DAB1: variants seen among roughly 807,000 people sequenced by gnomAD.
DAB1 encodes DAB adaptor protein 1.
Under a neutral mutation model 64.6 loss-of-function variants are expected in DAB1, and 15 were observed. That is an observed-to-expected ratio of 0.23 (90% CI 0.16 to 0.36). The LOEUF is 0.36. DAB1 is among the 10% of genes least tolerant of loss of function. DAB1 has a pLI of 1.00. For synonymous variants in DAB1, 235 were observed against 251.9 expected, an observed-to-expected ratio of 0.93 and a Z score of 0.64; for missense variants, 596 against 706.7, an observed-to-expected ratio of 0.84 and a Z score of 1.78.
At chr1:58,358,110 GA>G (rs1644128564) in intron 3 of DAB1, among the ~76,000 whole-genome samples, 1 of 152,192 alleles carries the variant, frequency 6.6e-6, no homozygotes, top group Middle Eastern at 3.2e-3. Flanking sequence ...AGAAATTTAA[GA>G]ATGTAAACAC....
chr1:58,048,348 C>T (rs1344575159), intron 5 of DAB1: 6 of 1,015,522 alleles, frequency 5.9e-6, no homozygotes, highest in Middle Eastern at 3.0e-4. Context: ...TTTTAATTGC[C>T]CAAATCACTG....
intron 2 of DAB1, among the ~76,000 whole-genome samples, chr1:57,203,416 C>A (rs1665265940): frequency 6.6e-6 from 1 of 152,148 alleles, no homozygotes; most frequent in South Asian, 2.1e-4. Context: ...GTGAGCAGAG[C>A]AGGGACCCAG....
chr1:57,266,552 G>A (rs1670603927), intron 2 of DAB1, among the ~76,000 whole-genome samples: 2 of 151,958 alleles, frequency 1.3e-5, no homozygotes, highest in Admixed American at 6.6e-5. Context: ...TTAATCCCTG[G>A]CAAATACCTT....
intron 3 of DAB1, among the ~76,000 whole-genome samples, chr1:58,484,532 C>T (rs2100355898): frequency 6.6e-6 from 1 of 152,234 alleles, no homozygotes; most frequent in East Asian, 1.9e-4. Flanking sequence ...ACCTCAGAAT[C>T]CTTAGAAAAT....
intron 5 of DAB1, among the ~76,000 whole-genome samples, chr1:58,087,952 G>T (rs1367935493): frequency 1.3e-5 from 2 of 152,158 alleles, no homozygotes; most frequent in Non-Finnish European, 2.9e-5. Flanking sequence ...ACTTCCTGGT[G>T]TTCCCACTCT....
At chr1:57,200,128 T>C (rs1426608480) in intron 2 of DAB1, among the ~76,000 whole-genome samples, 1 of 152,206 alleles carries the variant, frequency 6.6e-6, no homozygotes, top group Non-Finnish European at 1.5e-5. Context: ...TACTGTCCCC[T>C]CACTGGTCTG....
intron 5 of DAB1, among the ~76,000 whole-genome samples, chr1:57,892,479 A>G (rs1644331265): frequency 1.3e-5 from 2 of 152,214 alleles, no homozygotes; most frequent in Non-Finnish European, 2.9e-5. Flanking sequence ...GACATAGGTC[A>G]CTATTAATAT....
chr1:58,264,843 G>A (rs1569580489), intron 4 of DAB1, among the ~76,000 whole-genome samples: 1 of 152,206 alleles, frequency 6.6e-6, no homozygotes, highest in Non-Finnish European at 1.5e-5. Flanking sequence ...TCTATTAAAG[G>A]AGAAGCATGA....
At chr1:57,041,888 CAG>C (rs1647833951) in intron 9 of DAB1, among the ~76,000 whole-genome samples, 1 of 152,166 alleles carries the variant, frequency 6.6e-6, no homozygotes, top group African/African-American at 2.4e-5. Flanking sequence ...AATCAGGAAA[CAG>C]AGACCTTCAA....
intron 3 of DAB1, among the ~76,000 whole-genome samples, chr1:58,419,024 C>G (rs1218398867): frequency 1.3e-4 from 20 of 152,210 alleles, no homozygotes; most frequent in Non-Finnish European, 2.4e-4. Context: ...GCCCTGGGGC[C>G]TCCAGCACCC....
chr1:58,005,983 AG>A (rs1427107155), intron 5 of DAB1, among the ~76,000 whole-genome samples: 1 of 152,174 alleles, frequency 6.6e-6, no homozygotes, highest in Non-Finnish European at 1.5e-5. Flanking sequence ...TTTGAAACCA[AG>A]GCTGTTTGGT....
chr1:57,260,869 A>T (rs765360943), intron 2 of DAB1, among the ~76,000 whole-genome samples: 1 of 152,160 alleles, frequency 6.6e-6, no homozygotes, highest in African/African-American at 2.4e-5. Flanking sequence ...TCTACTGTAG[A>T]GCATGGAAGC....
At chr1:58,118,207 G>C (rs1048701324) in intron 5 of DAB1, among the ~76,000 whole-genome samples, 1 of 151,042 alleles carries the variant, frequency 6.6e-6, no homozygotes, top group Admixed American at 6.6e-5. Context: ...CACCGCACCC[G>C]GTCAGGCCTT....
intron 1 of DAB1, among the ~76,000 whole-genome samples, chr1:57,321,309 G>A (rs766781201): frequency 3.9e-5 from 6 of 152,148 alleles, no homozygotes; most frequent in Non-Finnish European, 8.8e-5. Context: ...TCAGAAAGCA[G>A]GACTCACATC....
intron 7 of DAB1, among the ~76,000 whole-genome samples, chr1:57,455,182 T>C (rs1686539124): frequency 6.6e-6 from 1 of 152,276 alleles, no homozygotes; most frequent in African/African-American, 2.4e-5. Context: ...ATGTAAGTAA[T>C]TATGCTTGGC....
Position 58,203,085 on chromosome 1 carries a change from T to C in DAB1, n.310-52497A>G, listed in dbSNP as rs117550310. The stretch of plus-strand genomic sequence containing the variant: ...AATCAGGTCAAGAAGATCCTGCCCT[T>C]AAGAGTTTAAAATCATGATGCAGAA... On this transcript the variant is annotated intron_variant and non_coding_transcript_variant, in intron 4 of 20. Coordinates refer to the DAB1 transcript ENST00000485760. 8.5e-5 allele frequency among the ~76,000 whole-genome samples: 13 copies of C among 152,320 alleles called. No homozygotes were observed. In the East Asian group the frequency reaches 2.5e-3, roughly 29 times the overall value.
At chr1:58,177,750 G>T (rs551193543) in intron 4 of DAB1, among the ~76,000 whole-genome samples, 4 of 151,846 alleles carry the variant, frequency 2.6e-5, no homozygotes, top group African/African-American at 9.7e-5. Flanking sequence ...CCTGCTCAGG[G>T]TTACCCATAC....
intron 5 of DAB1, among the ~76,000 whole-genome samples, chr1:58,002,292 G>A (rs1395948349): frequency 6.6e-6 from 1 of 152,142 alleles, no homozygotes; most frequent in Non-Finnish European, 1.5e-5. Flanking sequence ...TGATGAATTG[G>A]CAGGGCTCTG....
chr1:57,470,954 C>T (rs191703729), intron 7 of DAB1, among the ~76,000 whole-genome samples: 29 of 152,254 alleles, frequency 1.9e-4, no homozygotes, highest in African/African-American at 6.7e-4. Context: ...AGGAGCAAGA[C>T]AATAATTAAA....
Sources: gnomAD v4.1 joint callset for allele counts (sites outside exome capture counted in the v4.1 genomes callset) on GRCh38, gnomAD v4.1.1 for gene constraint, MANE v1.5 for transcripts, NCBI Gene and HGNC (gene_info 2026-07-23, HGNC 2026-07-21) for gene names.